SEMA4B: variants seen among roughly 807,000 people sequenced by gnomAD.
The protein encoded by SEMA4B is semaphorin-4B.
A neutral mutation model predicts 88.1 loss-of-function variants in SEMA4B; 55 were observed. The ratio of observed to expected loss-of-function variants is 0.62; its 90% CI spans 0.50 to 0.78. The LOEUF (loss-of-function observed/expected upper bound fraction) is 0.78. Ranked by LOEUF, SEMA4B falls within the 30% of genes least tolerant of loss-of-function variation. The pLI is 0.00. For missense variants in SEMA4B, 1,062 were observed against 1,111.9 expected (o/e 0.96, Z 0.64); for synonymous variants, 525 against 473.6 (o/e 1.11, Z -1.41).
At chr15:90,185,026 AG>A in exon 1 of SEMA4B, 1 of 985,548 alleles carries the variant, frequency 1.0e-6, no homozygotes, top group South Asian at 4.7e-5. Flanking sequence ...TGGACACTCC[AG>A]GAAGAGCGGC....
At position 90,195,389 on chromosome 15, in the gene SEMA4B, G is replaced by A. The variant is rs528087951; in HGVS notation, c.-121-6069G>A. ...TTACAGGTGTCAGCCACCTCGCCTCGCTGCATTTGATTATTATGTCTTTTT... is the reference window on the plus strand; with the variant it reads ...TTACAGGTGTCAGCCACCTCGCCTCACTGCATTTGATTATTATGTCTTTTT... On this transcript the variant is annotated intron_variant, in intron 1 of 14. Transcript: ENST00000332496. Among the ~76,000 whole-genome samples, 3 of 152,162 alleles carry A rather than the reference G, an allele frequency of 2.0e-5. No homozygotes were observed. In the South Asian group the frequency reaches 6.2e-4, roughly 32 times the overall value.
At chr15:90,208,752 C>CTTTT (rs66461937) in intron 1 of SEMA4B, among the ~76,000 whole-genome samples, 1 of 144,156 alleles carries the variant, frequency 6.9e-6, no homozygotes, top group Non-Finnish European at 1.5e-5. Context: ...TTTTCTTTTT[C>CTTTT]TTTTTTTTTT....
upstream of SEMA4B, among the ~76,000 whole-genome samples, chr15:90,198,902 C>A (rs1440693771): frequency 8.5e-5 from 13 of 152,172 alleles, no homozygotes; most frequent in Non-Finnish European, 1.5e-5. Flanking sequence ...GAGTCTTGCT[C>A]TGTAGCCCAG....
At chr15:90,224,361 ACGGG>A (rs1962032775) in intron 9 of SEMA4B, among the ~76,000 whole-genome samples, 1 of 152,224 alleles carries the variant, frequency 6.6e-6, no homozygotes, top group African/African-American at 2.4e-5. Flanking sequence ...TTCTAGCCTA[ACGGG>A]CTACCCTGAT....
At chr15:90,201,275 G>T, upstream of SEMA4B, 1 of 1,089,716 alleles carries the variant, frequency 9.2e-7, no homozygotes, top group South Asian at 4.5e-5. Flanking sequence ...AAGGGGGAAG[G>T]GGGCGGGCCG....
chr15:90,201,606 A>T lies in SEMA4B; in HGVS notation c.28A>T (p.Ser10Cys), dbSNP rs199983666. 3.7e-4 allele frequency: 559 copies of T among 1,517,790 alleles called. No individual in the cohort carries two copies. The African/African-American group carries it at 7.5e-3, about 20-fold the overall frequency. The allele number at this position is 1,517,790 out of a possible 1,614,324, so 94.0% of individuals were successfully genotyped here. A position where few individuals can be genotyped will look rare whatever the true frequency, so the allele number is the denominator to read the frequency against. Residue 10 changes from serine (S) to cysteine (C), a missense_variant, in exon 1 of 14, where the codon AGC (serine) becomes TGC (cysteine). Physicochemically the swap from Ser to Cys is moderately radical, Grantham distance 112. Transcript: ENST00000411539. Reference sequence around the variant, plus strand: ...GCTGCGCACCGCGATGGGCCTGAGGAGCTGGCTCGCCGCCCCATGGGGCGC... The same window carrying T: ...GCTGCGCACCGCGATGGGCCTGAGGTGCTGGCTCGCCGCCCCATGGGGCGC... Reference protein sequence around the residue: MLRTAMGLRSWLAAPWGALP... With the variant: MLRTAMGLRCWLAAPWGALP...
At chr15:90,190,107 T>C (rs898453533) in intron 1 of SEMA4B, among the ~76,000 whole-genome samples, 7 of 152,164 alleles carry the variant, frequency 4.6e-5, no homozygotes, top group African/African-American at 1.7e-4. Flanking sequence ...CCTGGTGTGG[T>C]GCCCACCAGC....
chr15:90,229,602 T>A lies in SEMA4B; in HGVS notation c.*959T>A, dbSNP rs1359168239. ...CTGAATTTATGTGGTTTTTATACATTTTTTAATAAGATGCACTTTATGTCA... is the reference window on the plus strand; with the variant it reads ...CTGAATTTATGTGGTTTTTATACATATTTTAATAAGATGCACTTTATGTCA... On this transcript the variant is annotated 3_prime_UTR_variant, in exon 14 of 14. Transcript: ENST00000411539. 1 of 334,774 alleles carries A rather than the reference T, an allele frequency of 3.0e-6. No individual in the cohort carries two copies. The highest frequency in any genetic ancestry group is 5.9e-6 in the Non-Finnish European group (1 of 169,800). The allele number at this position is 334,774 out of a possible 1,614,324, so 20.7% of individuals were successfully genotyped here. A position where few individuals can be genotyped will look rare whatever the true frequency, so the allele number is the denominator to read the frequency against.
At chr15:90,205,530 C>T (rs1018056606) in intron 1 of SEMA4B, among the ~76,000 whole-genome samples, 2 of 152,198 alleles carry the variant, frequency 1.3e-5, no homozygotes, top group African/African-American at 4.8e-5. Flanking sequence ...TTCTCCAGGC[C>T]CATTTTCACA....
intron 1 of SEMA4B, among the ~76,000 whole-genome samples, chr15:90,188,301 G>C (rs1385245627): frequency 1.3e-5 from 2 of 151,892 alleles, no homozygotes; most frequent in African/African-American, 2.4e-5. Context: ...TCCAGCTTGG[G>C]TGGCACAGTG....
intron 7 of SEMA4B, 108 bp from the exon 8 acceptor site, chr15:90,223,451 C>T: frequency 1.0e-6 from 1 of 972,176 alleles, no homozygotes; most frequent in Admixed American, 3.3e-5. Context: ...CTTCTCCTGC[C>T]CTTCAGTCCT....
chr15:90,206,387 G>A (rs910112718), intron 1 of SEMA4B, among the ~76,000 whole-genome samples: 2 of 152,172 alleles, frequency 1.3e-5, no homozygotes, highest in East Asian at 3.8e-4. Context: ...TCCCCAGCTG[G>A]TTTCCCTGCC....
upstream of SEMA4B, among the ~76,000 whole-genome samples, chr15:90,200,470 T>A (rs974431362): frequency 2.6e-5 from 4 of 152,238 alleles, no homozygotes; most frequent in African/African-American, 9.7e-5. Flanking sequence ...TTCTATGTTT[T>A]GTTTGTTTCT....
Position 90,220,972 on chromosome 15 carries a change from C to T in SEMA4B, c.484-10C>T, listed in dbSNP as rs373856851. The T allele has an allele frequency of 9.5e-6, 15 of 1,579,120 alleles. No individual in the cohort carries two copies. The highest frequency in any genetic ancestry group is 1.8e-5 in the Admixed American group (1 of 57,114). ...AGTGCCCCTGAGCCCATGTGTCCACCCTCCTGCAGAACATGGAGAACTTCA... is the reference window on the plus strand; with the variant it reads ...AGTGCCCCTGAGCCCATGTGTCCACTCTCCTGCAGAACATGGAGAACTTCA... On this transcript the variant is annotated splice_polypyrimidine_tract_variant and intron_variant, in intron 4 of 13. Coordinates refer to ENST00000411539, the MANE Select transcript of SEMA4B (RefSeq NM_198925.4).
intron 1 of SEMA4B, among the ~76,000 whole-genome samples, chr15:90,213,547 G>A (rs1451510689): frequency 6.6e-6 from 1 of 152,224 alleles, no homozygotes; most frequent in African/African-American, 2.4e-5. Context: ...CCCTCCAGCC[G>A]GCTGCACTCT....
At chr15:90,194,106 C>T (rs1960427935) in intron 1 of SEMA4B, among the ~76,000 whole-genome samples, 1 of 152,044 alleles carries the variant, frequency 6.6e-6, no homozygotes, top group Non-Finnish European at 1.5e-5. Flanking sequence ...CCCACCTCAG[C>T]CTCCTAAAGT....
Position 90,228,122 on chromosome 15 carries a change from C to G in SEMA4B, c.1993C>G (p.Gln665Glu). The change falls in exon 14 of 14, where the codon CAG becomes GAG. Residue 665 changes from glutamine to glutamate, a missense_variant. Coordinates refer to ENST00000411539, the MANE Select transcript of SEMA4B (RefSeq NM_198925.4). ...CTGGTCACTAGAGGAGGGCTTCCAGCAGCTGGTAGCCAGCTACTGCCCAGA... is the reference window on the plus strand; with the variant it reads ...CTGGTCACTAGAGGAGGGCTTCCAGGAGCTGGTAGCCAGCTACTGCCCAGA... ...QCWSLEEGFQ[Q>E]LVASYCPEVV... 3 of 1,611,406 alleles carry G rather than the reference C, an allele frequency of 1.9e-6. No individual in the cohort carries two copies. Among genetic ancestry groups the G allele is most frequent in the Non-Finnish European group, 1.7e-6 (2 of 1,178,816 alleles).
Position 90,210,712 on chromosome 15 carries a change from C to G in SEMA4B, c.158-6727C>G, listed in dbSNP as rs1421280390. ...GGGAGACACGGAGTGATGCTTGAGACTGGGGGCACAGGTACCTAGAGGACG... is the reference window on the plus strand; with the variant it reads ...GGGAGACACGGAGTGATGCTTGAGAGTGGGGGCACAGGTACCTAGAGGACG... On this transcript the variant is annotated intron_variant, in intron 1 of 13. Transcript: ENST00000411539. Among the ~76,000 whole-genome samples the G allele has an allele frequency of 2.0e-5, 3 of 149,456 alleles. No homozygotes were observed. In the East Asian group the frequency reaches 5.8e-4, roughly 29 times the overall value.
At chr15:90,201,050 C>A (rs1361978945), upstream of SEMA4B, among the ~76,000 whole-genome samples, 1 of 152,216 alleles carries the variant, frequency 6.6e-6, no homozygotes, top group Non-Finnish European at 1.5e-5. Context: ...TGTCCCCAAA[C>A]CAACGCCACT....
Sources: gnomAD v4.1 joint callset for allele counts (sites outside exome capture counted in the v4.1 genomes callset) on GRCh38, gnomAD v4.1.1 for gene constraint, MANE v1.5 for transcripts, NCBI Gene and HGNC (gene_info 2026-07-23, HGNC 2026-07-21) for gene names.